Variants in DPP6 observed in about 807,000 individuals in gnomAD.
DPP6 encodes the protein dipeptidyl peptidase like 6.
DPP6 carries 69 observed loss-of-function variants against 122.6 expected under a neutral mutation model. The observed-to-expected ratio is 0.56, with a 90% CI of 0.46 to 0.69. The LOEUF is 0.69. DPP6 is among the 30% of genes least tolerant of loss of function. The probability of loss-of-function intolerance (pLI) is 0.00; values close to 1 mark genes in which losing one functional copy is unlikely to be tolerated. For synonymous variants in DPP6, 418 were observed against 433.1 expected, an observed-to-expected ratio of 0.97 and a Z score of 0.43; for missense variants, 928 against 1,116.9, an observed-to-expected ratio of 0.83 and a Z score of 2.41.
chr7:154,619,227 A>G (rs1257992365), intron 5 of DPP6, among the ~76,000 whole-genome samples: 1 of 152,152 alleles, frequency 6.6e-6, no homozygotes, highest in African/African-American at 2.4e-5. Flanking sequence ...CATACCATCG[A>G]TTGGCACAGC....
intron 1 of DPP6, among the ~76,000 whole-genome samples, chr7:154,190,267 A>C (rs923653888): frequency 1.7e-4 from 26 of 152,084 alleles, no homozygotes; most frequent in African/African-American, 6.0e-4. Flanking sequence ...TGCCCCGGGG[A>C]GGTCTCCAGG....
intron 5 of DPP6, among the ~76,000 whole-genome samples, chr7:154,634,949 G>T (rs559337403): frequency 6.6e-5 from 10 of 152,224 alleles, no homozygotes; most frequent in African/African-American, 2.4e-4. Flanking sequence ...CCTTCAACCA[G>T]GAAAGATGGC....
intron 1 of DPP6, among the ~76,000 whole-genome samples, chr7:154,115,687 T>TA (rs1806935412): frequency 6.6e-6 from 1 of 152,166 alleles, no homozygotes; most frequent in Non-Finnish European, 1.5e-5. Context: ...GCTCTGCTCT[T>TA]AGAGTGTTAT....
At position 154,781,553 on chromosome 7, in the gene DPP6, C is replaced by T. The variant is rs118180096; in HGVS notation, c.1136+8611C>T. 4.4e-3 allele frequency among the ~76,000 whole-genome samples: 676 copies of T among 152,202 alleles called. 2 individuals are homozygous for T. The highest frequency in any genetic ancestry group is 6.7e-3 in the Non-Finnish European group (458 of 68,020). Reference sequence around the variant, plus strand: ...TTCTGTGTTGTAGAAGGCACTCTGCCGGCAGATGTTTTTATGCAACTGCAT... The same window carrying T: ...TTCTGTGTTGTAGAAGGCACTCTGCTGGCAGATGTTTTTATGCAACTGCAT... On this transcript the variant is annotated intron_variant, in intron 10 of 25. Transcript: ENST00000377770.
At chr7:154,540,416 G>C in intron 3 of DPP6, 116 bp from the exon 4 acceptor site, 1 of 699,780 alleles carries the variant, frequency 1.4e-6, no homozygotes, top group Non-Finnish European at 2.5e-6. Context: ...CGTTTGATGA[G>C]TGGGAGCCTA....
intron 1 of DPP6, among the ~76,000 whole-genome samples, chr7:154,018,719 C>G (rs1372401563): frequency 6.6e-6 from 1 of 152,244 alleles, no homozygotes; most frequent in Admixed American, 6.5e-5. Flanking sequence ...TGAACTTGAA[C>G]TCATTAAAAG....
At chr7:154,018,682 G>A (rs998761947) in intron 1 of DPP6, among the ~76,000 whole-genome samples, 3 of 152,228 alleles carry the variant, frequency 2.0e-5, no homozygotes, top group Non-Finnish European at 2.9e-5. Context: ...AGCATTTGTT[G>A]CTCTTTATAC....
intron 1 of DPP6, among the ~76,000 whole-genome samples, chr7:154,244,752 C>A (rs1005103849): frequency 1.3e-5 from 2 of 151,954 alleles, no homozygotes; most frequent in African/African-American, 2.4e-5. Flanking sequence ...GGATAAAATT[C>A]TTTGATTATC....
chr7:154,344,198 C>A (rs571147012), intron 1 of DPP6, among the ~76,000 whole-genome samples: 3 of 152,318 alleles, frequency 2.0e-5, no homozygotes, highest in African/African-American at 7.2e-5. Context: ...CCACAATTGT[C>A]TGTTCCCAAG....
intron 5 of DPP6, among the ~76,000 whole-genome samples, chr7:154,585,725 C>G (rs1343251371): frequency 6.6e-6 from 1 of 152,158 alleles, no homozygotes; most frequent in East Asian, 1.9e-4. Flanking sequence ...GAAATAATGA[C>G]AAGAAAAAAT....
chr7:154,085,284 C>T (rs1317183695), intron 1 of DPP6, among the ~76,000 whole-genome samples: 2 of 152,088 alleles, frequency 1.3e-5, no homozygotes, highest in African/African-American at 2.4e-5. Context: ...AATATCCCAT[C>T]GCCACTCTCA....
intron 1 of DPP6, among the ~76,000 whole-genome samples, chr7:153,995,588 CAAAAAAAAAAA>C (rs55905154): frequency 2.2e-5 from 2 of 88,952 alleles, no homozygotes; most frequent in South Asian, 1.0e-3. Context: ...GACTCCGTCT[CAAAAAAAAAAA>C]AAAAAAAAAG....
At chr7:154,167,291 C>A (rs1797303999) in intron 1 of DPP6, among the ~76,000 whole-genome samples, 2 of 152,160 alleles carry the variant, frequency 1.3e-5, no homozygotes, top group African/African-American at 4.8e-5. Flanking sequence ...TAACAGAAAT[C>A]ATTCTAGGCT....
chr7:153,986,993 T>C lies in DPP6; in HGVS notation c.51+99259T>C, dbSNP rs187817067. On this transcript the variant is annotated intron_variant, in intron 1 of 25. Coordinates refer to the DPP6 transcript ENST00000404039. ...AAAATAAATTTATAGTATGGTCACA[T>C]TATCCAGAGTAAGGTTAGTTCGGTT... Among the ~76,000 whole-genome samples, 597 of 152,312 alleles carry C rather than the reference T, an allele frequency of 3.9e-3. 3 individuals carry two copies. Among genetic ancestry groups the C allele is most frequent in the African/African-American group, 0.014 (562 of 41,564 alleles).
At chr7:154,686,989 C>T (rs528489464) in intron 7 of DPP6, among the ~76,000 whole-genome samples, 25 of 152,290 alleles carry the variant, frequency 1.6e-4, no homozygotes, top group African/African-American at 5.1e-4. Context: ...CTTTATGTTT[C>T]CCTGCCATTT....
chr7:154,287,586 T>C lies in DPP6; in HGVS notation c.244-158628T>C, dbSNP rs139707470. ...AAGAAAAACAGATCAACAGGGGAGCTGAGGAATAGATGGGAGCTGCGAGCT... is the reference window on the plus strand; with the variant it reads ...AAGAAAAACAGATCAACAGGGGAGCCGAGGAATAGATGGGAGCTGCGAGCT... On this transcript the variant is annotated intron_variant, in intron 1 of 25. Transcript: ENST00000377770. 5.6e-3 allele frequency among the ~76,000 whole-genome samples: 858 copies of C among 152,214 alleles called. 20 individuals are homozygous for C. The highest frequency in any genetic ancestry group is 0.04 in the East Asian group (204 of 5,160).
At chr7:154,882,368 G>A (rs532599709) in intron 21 of DPP6, among the ~76,000 whole-genome samples, 7 of 152,332 alleles carry the variant, frequency 4.6e-5, no homozygotes, top group African/African-American at 9.6e-5. Flanking sequence ...GATCCCGGGC[G>A]TCTTTCCAGA....
the DPP6 span, among the ~76,000 whole-genome samples, chr7:153,777,259 G>C: frequency 6.6e-5 from 10 of 152,274 alleles, no homozygotes; most frequent in Non-Finnish European, 1.3e-4. Context: ...GTTCAAGCAA[G>C]GTCACAGAGC....
the DPP6 span, among the ~76,000 whole-genome samples, chr7:153,835,338 C>T: frequency 3.7e-4 from 56 of 151,748 alleles, 2 homozygotes; most frequent in Non-Finnish European, 8.8e-5. Context: ...AACTAAAAGA[C>T]TAAGTTTGCC....
Sources: gnomAD v4.1 joint callset for allele counts (sites outside exome capture counted in the v4.1 genomes callset) on GRCh38, gnomAD v4.1.1 for gene constraint, MANE v1.5 for transcripts, NCBI Gene and HGNC (gene_info 2026-07-23, HGNC 2026-07-21) for gene names.